The following SYN3 variants were observed in gnomAD, a reference collection of about 807,000 sequenced individuals.
SYN3 encodes synapsin-3.
In SYN3, 35 loss-of-function variants were observed where a neutral mutation model predicts 65.8. The ratio of observed to expected loss-of-function variants is 0.53; its 90% CI spans 0.41 to 0.70. The LOEUF (loss-of-function observed/expected upper bound fraction) is 0.70. SYN3 is among the 30% of genes least tolerant of loss of function. The pLI is 0.00. For synonymous variants in SYN3, 270 were observed against 292.9 expected (o/e 0.92, Z 0.80); for missense variants, 680 against 749.0 (o/e 0.91, Z 1.08).
At chr22:33,012,603 C>T (rs537678264) in intron 1 of SYN3, among the ~76,000 whole-genome samples, 1 of 152,330 alleles carries the variant, frequency 6.6e-6, no homozygotes, top group South Asian at 2.1e-4. Context: ...CATCTATGCT[C>T]AACAACTGTG....
chr22:32,807,106 C>G (rs1005835518), intron 6 of SYN3, among the ~76,000 whole-genome samples: 1 of 150,460 alleles, frequency 6.6e-6, no homozygotes, highest in Non-Finnish European at 1.5e-5. Flanking sequence ...CTCCTGACTG[C>G]CCCCCTGGCT....
chr22:32,915,634 T>C (rs1011061860), intron 4 of SYN3, among the ~76,000 whole-genome samples: 5 of 151,912 alleles, frequency 3.3e-5, no homozygotes, highest in Non-Finnish European at 5.9e-5. Flanking sequence ...GAGGAGAGAA[T>C]ATGCTTGACC....
At chr22:33,042,378 C>T (rs959431169) in intron 1 of SYN3, among the ~76,000 whole-genome samples, 3 of 152,222 alleles carry the variant, frequency 2.0e-5, no homozygotes, top group African/African-American at 7.2e-5. Context: ...CAAAAAGAAG[C>T]AAAGCCCTTT....
At chr22:33,034,056 C>T (rs554731266) in intron 1 of SYN3, among the ~76,000 whole-genome samples, 1 of 151,656 alleles carries the variant, frequency 6.6e-6, no homozygotes, top group South Asian at 2.1e-4. Flanking sequence ...TGTGATGGTG[C>T]ACACCTGTAA....
chr22:32,559,684 C>T (rs7287983), intron 7 of SYN3, among the ~76,000 whole-genome samples: 4,907 of 152,052 alleles, frequency 0.032, 256 homozygotes, highest in African/African-American at 0.11. Flanking sequence ...AAAAATTAGC[C>T]GGGCGTGGCG....
At chr22:33,011,601 G>A (rs1286979716) in intron 1 of SYN3, among the ~76,000 whole-genome samples, 2 of 152,084 alleles carry the variant, frequency 1.3e-5, no homozygotes. Context: ...AATAGGTTGG[G>A]AAGCATTCCC....
chr22:32,885,591 C>T (rs1180521580), intron 4 of SYN3, among the ~76,000 whole-genome samples: 1 of 151,732 alleles, frequency 6.6e-6, no homozygotes, highest in Non-Finnish European at 1.5e-5. Context: ...GATAGAGTCT[C>T]GCTCTGTTGC....
intron 1 of SYN3, among the ~76,000 whole-genome samples, chr22:33,051,069 A>G (rs2054157247): frequency 6.6e-6 from 1 of 152,186 alleles, no homozygotes; most frequent in African/African-American, 2.4e-5. Flanking sequence ...AAAATCAGCA[A>G]GTCCAACTCC....
intron 1 of SYN3, among the ~76,000 whole-genome samples, chr22:33,029,010 A>C (rs1390501663): frequency 6.6e-6 from 1 of 151,704 alleles, no homozygotes; most frequent in African/African-American, 2.4e-5. Context: ...ACAGCACTAC[A>C]GCCTGGGTGA....
At chr22:32,593,014 G>T (rs2059149147) in intron 7 of SYN3, among the ~76,000 whole-genome samples, 1 of 152,152 alleles carries the variant, frequency 6.6e-6, no homozygotes, top group Non-Finnish European at 1.5e-5. Context: ...CTTTCTTCTA[G>T]GAACGTTCTC....
chr22:32,956,152 TACTA>T (rs1195623896), intron 3 of SYN3, among the ~76,000 whole-genome samples: 1 of 109,906 alleles, frequency 9.1e-6, no homozygotes, highest in Non-Finnish European at 1.9e-5. Context: ...TCCCAGCCCC[TACTA>T]ACTTTTTTTT....
rs1176209472 is a variant in SYN3 at position 32,514,471 on chromosome 22, T to C, written c.1611-647A>G. 4 of 152,216 alleles carry C rather than the reference T, an allele frequency of 2.6e-5. No individual in the cohort carries two copies. The East Asian group carries it at 5.8e-4, about 22-fold the overall frequency. The allele number at this position is 152,216 out of a possible 1,614,324, so 9.4% of individuals were successfully genotyped here. On this transcript the variant is annotated intron_variant, in intron 13 of 13. Transcript: ENST00000358763. ...GGCTAATTCTGTCCCCCACCCGCTTTTGGAATTCTTTTAGTGCCATCTTTT... is the reference window on the plus strand; with the variant it reads ...GGCTAATTCTGTCCCCCACCCGCTTCTGGAATTCTTTTAGTGCCATCTTTT...
chr22:32,822,663 T>G (rs536776768), intron 6 of SYN3, among the ~76,000 whole-genome samples: 1 of 152,310 alleles, frequency 6.6e-6, no homozygotes, highest in South Asian at 2.1e-4. Context: ...GTTCATACAG[T>G]GAAGATCTGC....
chr22:32,705,666 A>AT (rs769501432), intron 6 of SYN3, among the ~76,000 whole-genome samples: 2 of 152,220 alleles, frequency 1.3e-5, no homozygotes, highest in African/African-American at 2.4e-5. Context: ...CTTCAACAAT[A>AT]TTGATTCTTC....
chr22:32,550,711 AT>A (rs1196986898), intron 7 of SYN3, among the ~76,000 whole-genome samples: 2 of 151,600 alleles, frequency 1.3e-5, no homozygotes, highest in Non-Finnish European at 2.9e-5. Flanking sequence ...AAAAAAAAAA[AT>A]AAGAATAAAC....
chr22:32,621,387 C>G (rs1017625428), intron 6 of SYN3, among the ~76,000 whole-genome samples: 2 of 151,052 alleles, frequency 1.3e-5, no homozygotes, highest in Non-Finnish European at 2.9e-5. Context: ...GAACCAGGAA[C>G]GTATGCTCCA....
intron 7 of SYN3, among the ~76,000 whole-genome samples, chr22:32,577,302 C>T (rs1296405105): frequency 6.6e-6 from 1 of 152,304 alleles, no homozygotes; most frequent in African/African-American, 2.4e-5. Flanking sequence ...TTTGGAGACA[C>T]AGCTGAAGTT....
At chr22:32,909,124 G>A (rs1174514321) in intron 4 of SYN3, among the ~76,000 whole-genome samples, 2 of 152,164 alleles carry the variant, frequency 1.3e-5, no homozygotes, top group East Asian at 1.9e-4. Flanking sequence ...AAAGAAGGAC[G>A]CATGGGCACC....
Position 33,000,965 on chromosome 22 carries a change from A to G in SYN3, c.311+5387T>C, listed in dbSNP as rs543305831. Among the ~76,000 whole-genome samples the G allele has an allele frequency of 3.3e-5, 5 of 152,274 alleles. No homozygotes were observed. The East Asian group carries it at 5.8e-4, about 18-fold the overall frequency. Reference sequence around the variant, plus strand: ...CGAGACTCTAAGGCAGTCAGCATCAATTTGGAGAAAGCCGGGAAAGTGTTG... The same window carrying G: ...CGAGACTCTAAGGCAGTCAGCATCAGTTTGGAGAAAGCCGGGAAAGTGTTG... On this transcript the variant is annotated intron_variant, in intron 2 of 13. Coordinates refer to ENST00000358763, the MANE Select transcript of SYN3 (RefSeq NM_003490.4).
Sources: allele counts gnomAD v4.1 joint callset (sites outside exome capture counted in the v4.1 genomes callset), GRCh38; gene constraint gnomAD v4.1.1; transcripts MANE v1.5; gene names NCBI Gene and HGNC (gene_info 2026-07-23, HGNC 2026-07-21).